GKAP1: variants seen among roughly 807,000 people sequenced by gnomAD.
GKAP1 encodes G kinase-anchoring protein 1.
GKAP1 carries 31 observed loss-of-function variants against 56.7 expected under a neutral mutation model. That is an observed-to-expected ratio of 0.55 (90% CI 0.41 to 0.74). GKAP1 has a LOEUF of 0.74. Among genes scored for constraint, GKAP1 ranks in the 30% least tolerant of loss-of-function variants. The pLI, the probability that GKAP1 is intolerant of heterozygous loss-of-function variation, is 0.00. For missense variants in GKAP1, 364 were observed against 402.3 expected, an observed-to-expected ratio of 0.90 and a Z score of 0.82; for synonymous variants, 151 against 138.6, an observed-to-expected ratio of 1.09 and a Z score of -0.63.
intron 8 of GKAP1, among the ~76,000 whole-genome samples, chr9:83,758,093 A>G (rs1943506947): frequency 1.3e-5 from 2 of 152,208 alleles, no homozygotes; most frequent in African/African-American, 4.8e-5. Flanking sequence ...GCGTTGGTGC[A>G]GTTGTGGAGA....
At chr9:83,767,582 G>A (rs1012137983) in intron 8 of GKAP1, among the ~76,000 whole-genome samples, 1 of 152,008 alleles carries the variant, frequency 6.6e-6, no homozygotes, top group Non-Finnish European at 1.5e-5. Context: ...GGCTGGTCTC[G>A]AACTCCTGAC....
chr9:83,815,573 AACAC>A (rs377376142), intron 2 of GKAP1, among the ~76,000 whole-genome samples: 31 of 149,408 alleles, frequency 2.1e-4, no homozygotes, highest in East Asian at 5.9e-4. Flanking sequence ...AACTTCAGAA[AACAC>A]ACACACACAC....
rs551210478 is a variant in GKAP1, at chr9:83,797,931, G to A, written c.360+1254C>T. ...ACATTTATATTTGTAAACAAGAATCGGTCATAATGAATATTTTATAAGAAA... is the reference window on the plus strand; with the variant it reads ...ACATTTATATTTGTAAACAAGAATCAGTCATAATGAATATTTTATAAGAAA... On this transcript the variant is annotated intron_variant, in intron 4 of 12. Coordinates refer to ENST00000376371, the MANE Select transcript of GKAP1 (RefSeq NM_025211.4). 2.6e-5 allele frequency among the ~76,000 whole-genome samples: 4 copies of A among 152,070 alleles called. No individual in the cohort carries two copies. The East Asian group carries it at 7.7e-4, about 29-fold the overall frequency.
chr9:83,775,874 C>CAAAAAAAAAAAAAAAA (rs55669011), intron 7 of GKAP1, among the ~76,000 whole-genome samples: 1 of 43,712 alleles, frequency 2.3e-5, no homozygotes, highest in Non-Finnish European at 3.9e-5. Flanking sequence ...GACTCTGTCT[C>CAAAAAAAAAAAAAAAA]AAAAAAAAAA....
intron 7 of GKAP1, among the ~76,000 whole-genome samples, chr9:83,769,958 T>C (rs1943728983): frequency 6.6e-6 from 1 of 152,244 alleles, no homozygotes; most frequent in South Asian, 2.1e-4. Flanking sequence ...TGACAGCGAA[T>C]GGTGCTGAAC....
intron 8 of GKAP1, among the ~76,000 whole-genome samples, chr9:83,753,619 C>T (rs1943429712): frequency 6.6e-6 from 1 of 152,110 alleles, no homozygotes; most frequent in East Asian, 1.9e-4. Flanking sequence ...CTGGAACAAA[C>T]ATATTAAAAG....
At chr9:83,806,184 A>G (rs944825893) in intron 3 of GKAP1, 118 bp downstream of exon 3, 7 of 639,468 alleles carry the variant, frequency 1.1e-5, no homozygotes, top group Admixed American at 5.8e-5. Flanking sequence ...CATTGAAGTA[A>G]TATTTTCAGA....
intron 7 of GKAP1, among the ~76,000 whole-genome samples, chr9:83,773,102 T>C: frequency 6.6e-6 from 1 of 152,186 alleles, no homozygotes. Context: ...AATTAAAACA[T>C]ATCCACACAA....
intron 1 of GKAP1, 92 bp from the exon 2 acceptor site, chr9:83,817,219 G>A (rs1331732121): frequency 3.3e-5 from 5 of 152,024 alleles, no homozygotes; most frequent in African/African-American, 1.2e-4. Flanking sequence ...CGGCGGGGAG[G>A]GGACGGTGGC....
At chr9:83,755,131 A>G (rs1190507799) in intron 8 of GKAP1, among the ~76,000 whole-genome samples, 1 of 152,142 alleles carries the variant, frequency 6.6e-6, no homozygotes, top group African/African-American at 2.4e-5. Flanking sequence ...TAAGTTCTGG[A>G]ATCTCACTTC....
intron 7 of GKAP1, among the ~76,000 whole-genome samples, chr9:83,777,822 G>T (rs1473524021): frequency 1.3e-5 from 2 of 152,128 alleles, no homozygotes; most frequent in African/African-American, 4.8e-5. Context: ...ATAACATTTT[G>T]TTTGAGAGTT....
intron 4 of GKAP1, among the ~76,000 whole-genome samples, chr9:83,798,630 C>G (rs1014302547): frequency 6.6e-6 from 1 of 152,176 alleles, no homozygotes; most frequent in Non-Finnish European, 1.5e-5. Flanking sequence ...CTTCCCACCT[C>G]AGCCACCTGA....
intron 8 of GKAP1, among the ~76,000 whole-genome samples, chr9:83,763,252 G>A (rs1943604783): frequency 6.6e-6 from 1 of 152,140 alleles, no homozygotes. Flanking sequence ...AACTAATGGA[G>A]TTACAAAGTA....
At chr9:83,813,957 A>T (rs1564219390) in intron 2 of GKAP1, among the ~76,000 whole-genome samples, 1 of 152,124 alleles carries the variant, frequency 6.6e-6, no homozygotes, top group African/African-American at 2.4e-5. Flanking sequence ...AACAGTTAGC[A>T]GGCATAGTGG....
At position 83,760,226 on chromosome 9, in the gene GKAP1, T is replaced by C. The variant is rs576809924; in HGVS notation, c.739-6867A>G. Among the ~76,000 whole-genome samples, 18 of 152,258 alleles carry C rather than the reference T, an allele frequency of 1.2e-4. No individual in the cohort carries two copies. The South Asian group carries it at 3.5e-3, about 30-fold the overall frequency. Reference sequence around the variant, plus strand: ...AAAAGAGCAGGAGTAGCTATATTAATATCAGACAAAATAGATTTCAAGACA... The same window carrying C: ...AAAAGAGCAGGAGTAGCTATATTAACATCAGACAAAATAGATTTCAAGACA... On this transcript the variant is annotated intron_variant, in intron 8 of 12. Transcript: ENST00000376371.
intron 2 of GKAP1, among the ~76,000 whole-genome samples, chr9:83,814,246 T>C (rs1417090980): frequency 6.6e-6 from 1 of 152,256 alleles, no homozygotes; most frequent in Non-Finnish European, 1.5e-5. Flanking sequence ...CAACCCTCTT[T>C]CTTCAGATTT....
intron 2 of GKAP1, among the ~76,000 whole-genome samples, chr9:83,815,573 A>AAC (rs377376142): frequency 0.13 from 18,775 of 149,330 alleles, 1,417 homozygotes; most frequent in Non-Finnish European, 0.18. Context: ...AACTTCAGAA[A>AAC]ACACACACAC....
intron 8 of GKAP1, among the ~76,000 whole-genome samples, chr9:83,757,110 T>C (rs1943490580): frequency 6.6e-6 from 1 of 151,936 alleles, no homozygotes. Context: ...TGCTATGGGG[T>C]ATAGAAAAAG....
At chr9:83,798,217 C>T (rs1207799202) in intron 4 of GKAP1, among the ~76,000 whole-genome samples, 2 of 152,168 alleles carry the variant, frequency 1.3e-5, no homozygotes, top group Non-Finnish European at 2.9e-5. Flanking sequence ...CTAACATCTG[C>T]TAGAATGATA....
Sources: gnomAD v4.1 joint callset for allele counts (sites outside exome capture counted in the v4.1 genomes callset) on GRCh38, gnomAD v4.1.1 for gene constraint, MANE v1.5 for transcripts, NCBI Gene and HGNC (gene_info 2026-07-23, HGNC 2026-07-21) for gene names.